The following DAAM1 variants were observed in gnomAD, a reference collection of about 807,000 sequenced individuals.
DAAM1 encodes the protein disheveled-associated activator of morphogenesis 1.
In DAAM1, 52 loss-of-function variants were observed where a neutral mutation model predicts 130.0. The observed-to-expected ratio is 0.40, with a 90% CI of 0.32 to 0.50. The LOEUF is 0.50. Ranked by LOEUF, DAAM1 falls within the 20% of genes least tolerant of loss-of-function variation. The pLI is 0.61. For synonymous variants in DAAM1, 452 were observed against 444.5 expected, an observed-to-expected ratio of 1.02 and a Z score of -0.21; for missense variants, 1,134 against 1,303.8, an observed-to-expected ratio of 0.87 and a Z score of 2.01.
intron 1 of DAAM1, among the ~76,000 whole-genome samples, chr14:59,195,621 A>C (rs564141162): frequency 6.6e-6 from 1 of 152,222 alleles, no homozygotes; most frequent in Admixed American, 6.5e-5. Context: ...AAATACCTGC[A>C]GTGTGATTGG....
chr14:59,198,170 A>G (rs925785388), intron 1 of DAAM1, among the ~76,000 whole-genome samples: 3 of 141,624 alleles, frequency 2.1e-5, no homozygotes, highest in African/African-American at 7.8e-5. Flanking sequence ...TTGTGTTTCC[A>G]TTTGCTGATT....
At chr14:59,242,388 G>A (rs1594775853) in intron 1 of DAAM1, among the ~76,000 whole-genome samples, 2 of 152,004 alleles carry the variant, frequency 1.3e-5, no homozygotes, top group East Asian at 1.9e-4. Context: ...AACAGACATG[G>A]GCACATGTCA....
At chr14:59,267,902 C>CTTT (rs60615253) in intron 2 of DAAM1, among the ~76,000 whole-genome samples, 9 of 113,630 alleles carry the variant, frequency 7.9e-5, no homozygotes, top group African/African-American at 3.2e-4. Context: ...ACGCCCCCCC[C>CTTT]TTTTTTTTTT....
chr14:59,304,159 C>T (rs1265809339), intron 3 of DAAM1, among the ~76,000 whole-genome samples: 1 of 152,166 alleles, frequency 6.6e-6, no homozygotes, highest in African/African-American at 2.4e-5. Context: ...ACTTCACCAA[C>T]TCCAACTCCA....
chr14:59,326,660 C>G lies in DAAM1; in HGVS notation c.1313+12C>G. On this transcript the variant is annotated intron_variant, in intron 11 of 24. Coordinates refer to ENST00000360909, the MANE Select transcript of DAAM1 (RefSeq NM_001270520.2). ...AATGTCGTACGAATGTAAGTCTCTT[C>G]TTATTCTGCTGCTGTGAGATAATGG... 6.2e-7 allele frequency: 1 copy of G among 1,609,636 alleles called. No homozygotes were observed. The highest frequency in any genetic ancestry group is 8.5e-7 in the Non-Finnish European group (1 of 1,178,516).
intron 3 of DAAM1, among the ~76,000 whole-genome samples, chr14:59,296,067 A>C (rs1332281764): frequency 6.6e-6 from 1 of 152,208 alleles, no homozygotes; most frequent in Admixed American, 6.5e-5. Flanking sequence ...GATGGGTTCA[A>C]ACTGGCATTT....
At chr14:59,314,405 A>G (rs1438158320) in intron 3 of DAAM1, among the ~76,000 whole-genome samples, 3 of 152,120 alleles carry the variant, frequency 2.0e-5, no homozygotes, top group Non-Finnish European at 4.4e-5. Flanking sequence ...ACGCATAGAA[A>G]TCCCTGACCA....
intron 1 of DAAM1, among the ~76,000 whole-genome samples, chr14:59,216,491 C>T (rs1888583678): frequency 6.6e-6 from 1 of 152,138 alleles, no homozygotes. Flanking sequence ...GAGGCCGAGG[C>T]AGGTGAATCA....
chr14:59,292,728 G>T (rs886432584), intron 3 of DAAM1, among the ~76,000 whole-genome samples: 1 of 152,176 alleles, frequency 6.6e-6, no homozygotes, highest in African/African-American at 2.4e-5. Flanking sequence ...TGAGAAATGT[G>T]GTCAGCCTTA....
chr14:59,343,187 C>T (rs1216168580), intron 16 of DAAM1, among the ~76,000 whole-genome samples: 5 of 152,188 alleles, frequency 3.3e-5, no homozygotes, highest in Non-Finnish European at 7.3e-5. Flanking sequence ...GGGATCAGAA[C>T]TGGTGCCTTT....
chr14:59,286,639 G>C (rs762917734), intron 2 of DAAM1, among the ~76,000 whole-genome samples: 35 of 152,100 alleles, frequency 2.3e-4, no homozygotes, highest in Non-Finnish European at 4.3e-4. Flanking sequence ...AAAATCCTTA[G>C]AGACTGTTAC....
intron 1 of DAAM1, among the ~76,000 whole-genome samples, chr14:59,204,497 C>A (rs574602598): frequency 6.6e-6 from 1 of 152,168 alleles, no homozygotes; most frequent in Non-Finnish European, 1.5e-5. Flanking sequence ...TTAAAGGGCT[C>A]CCCTGATTAG....
chr14:59,197,458 T>C (rs141515236), intron 1 of DAAM1, among the ~76,000 whole-genome samples: 133 of 152,336 alleles, frequency 8.7e-4, no homozygotes, highest in African/African-American at 3.1e-3. Context: ...GACCGCACCA[T>C]GTTCTCAGAA....
At chr14:59,261,802 AAGTCG>A (rs1882168415) in intron 1 of DAAM1, among the ~76,000 whole-genome samples, 1 of 152,246 alleles carries the variant, frequency 6.6e-6, no homozygotes, top group Admixed American at 6.5e-5. Flanking sequence ...AAGATGCCAT[AAGTCG>A]ATGGGTTGGA....
intron 1 of DAAM1, among the ~76,000 whole-genome samples, chr14:59,192,136 C>T (rs1266965776): frequency 7.1e-6 from 1 of 140,636 alleles, no homozygotes; most frequent in Non-Finnish European, 1.5e-5. Flanking sequence ...TGGACATGTT[C>T]TGCTTGTTAA....
At chr14:59,361,095 G>C (rs1886688057) in intron 22 of DAAM1, among the ~76,000 whole-genome samples, 1 of 152,200 alleles carries the variant, frequency 6.6e-6, no homozygotes, top group Non-Finnish European at 1.5e-5. Flanking sequence ...CTGGAAACTG[G>C]ACCTAGTGTG....
At chr14:59,346,168 G>A (rs1169495538) in intron 16 of DAAM1, among the ~76,000 whole-genome samples, 2 of 147,282 alleles carry the variant, frequency 1.4e-5, no homozygotes, top group African/African-American at 2.5e-5. Flanking sequence ...GAGGGATGCA[G>A]TTATGTAGTT....
chr14:59,256,849 T>C (rs182697847), intron 1 of DAAM1, among the ~76,000 whole-genome samples: 3 of 152,304 alleles, frequency 2.0e-5, no homozygotes, highest in Admixed American at 2.0e-4. Context: ...TACCTAACAC[T>C]CTGTGGGTGT....
intron 2 of DAAM1, among the ~76,000 whole-genome samples, chr14:59,269,581 G>A (rs945584232): frequency 2.0e-5 from 3 of 152,166 alleles, no homozygotes; most frequent in African/African-American, 7.2e-5. Flanking sequence ...AGGGCATTTT[G>A]ATTTCTATTG....
Sources: allele counts gnomAD v4.1 joint callset (sites outside exome capture counted in the v4.1 genomes callset), GRCh38; gene constraint gnomAD v4.1.1; transcripts MANE v1.5; gene names NCBI Gene and HGNC (gene_info 2026-07-23, HGNC 2026-07-21).